Variants in PRKG1 observed in about 807,000 individuals in gnomAD.
The protein encoded by PRKG1 is cGMP-dependent protein kinase 1.
Under a neutral mutation model 88.1 loss-of-function variants are expected in PRKG1, and 35 were observed. The ratio of observed to expected loss-of-function variants is 0.40; its 90% CI spans 0.30 to 0.53. The LOEUF is 0.53. Among genes scored for constraint, PRKG1 ranks in the 20% least tolerant of loss-of-function variants. The pLI, the probability that PRKG1 is intolerant of heterozygous loss-of-function variation, is 0.59. For missense variants in PRKG1, 540 were observed against 839.8 expected (o/e 0.64, Z 4.41); for synonymous variants, 303 against 292.5 (o/e 1.04, Z -0.37).
At chr10:52,150,499 G>A (rs1012004386) in intron 8 of PRKG1, among the ~76,000 whole-genome samples, 1 of 151,944 alleles carries the variant, frequency 6.6e-6, no homozygotes, top group Non-Finnish European at 1.5e-5. Flanking sequence ...GTATTTTCAT[G>A]TTTTATTTGA....
At chr10:51,182,228 G>A (rs1382895114) in intron 2 of PRKG1, among the ~76,000 whole-genome samples, 1 of 152,102 alleles carries the variant, frequency 6.6e-6, no homozygotes, top group African/African-American at 2.4e-5. Flanking sequence ...GAAGACTTTG[G>A]GATGAAGAAT....
At chr10:52,124,390 G>T (rs545783514) in intron 7 of PRKG1, among the ~76,000 whole-genome samples, 14 of 152,262 alleles carry the variant, frequency 9.2e-5, no homozygotes, top group Non-Finnish European at 1.6e-4. Context: ...AGTAGTATTT[G>T]TGTATCTAAA....
intron 9 of PRKG1, among the ~76,000 whole-genome samples, chr10:52,213,061 T>C (rs1840021999): frequency 6.6e-6 from 1 of 152,196 alleles, no homozygotes; most frequent in Admixed American, 6.5e-5. Context: ...TTAAAGCAAA[T>C]AAACTTTCAA....
intron 5 of PRKG1, among the ~76,000 whole-genome samples, chr10:51,927,198 G>A (rs1842597110): frequency 6.6e-6 from 1 of 152,178 alleles, no homozygotes; most frequent in Non-Finnish European, 1.5e-5. Context: ...CCTGGTGGGA[G>A]ATAATTGAAT....
chr10:51,083,631 C>T (rs1844171581), intron 1 of PRKG1, among the ~76,000 whole-genome samples: 1 of 151,972 alleles, frequency 6.6e-6, no homozygotes, highest in African/African-American at 2.4e-5. Context: ...ATCAACCTTT[C>T]AGCCCCCTTT....
intron 7 of PRKG1, among the ~76,000 whole-genome samples, chr10:52,130,333 T>C (rs891104011): frequency 3.3e-5 from 5 of 152,220 alleles, no homozygotes; most frequent in Admixed American, 2.6e-4. Context: ...AAAATACCAA[T>C]GCATCTTCTT....
At chr10:52,192,366 C>T (rs1022138812) in intron 9 of PRKG1, among the ~76,000 whole-genome samples, 4 of 152,008 alleles carry the variant, frequency 2.6e-5, no homozygotes. Flanking sequence ...CTGCTATTGG[C>T]TTTCTTTGTT....
chr10:51,422,588 A>G (rs1247209593), intron 2 of PRKG1, among the ~76,000 whole-genome samples: 6 of 152,204 alleles, frequency 3.9e-5, no homozygotes, highest in Admixed American at 3.9e-4. Context: ...CAGCAGCCCT[A>G]ACAGCACAAG....
At chr10:51,290,360 C>G (rs930800565) in intron 2 of PRKG1, among the ~76,000 whole-genome samples, 1 of 152,106 alleles carries the variant, frequency 6.6e-6, no homozygotes, top group African/African-American at 2.4e-5. Flanking sequence ...CTCAGATAAC[C>G]AAGGACATGG....
intron 3 of PRKG1, among the ~76,000 whole-genome samples, chr10:51,510,762 G>A (rs1399043601): frequency 1.4e-5 from 1 of 71,922 alleles, no homozygotes; most frequent in Admixed American, 1.5e-4. Context: ...TTTTTTTTTT[G>A]AGACAGAGTC....
intron 1 of PRKG1, among the ~76,000 whole-genome samples, chr10:51,143,397 G>T (rs1245255899): frequency 2.6e-5 from 4 of 152,014 alleles, no homozygotes; most frequent in Non-Finnish European, 4.4e-5. Flanking sequence ...GGACACTTAG[G>T]TTGATTCCAT....
At chr10:52,086,741 G>A (rs1225482284) in intron 7 of PRKG1, among the ~76,000 whole-genome samples, 1 of 152,014 alleles carries the variant, frequency 6.6e-6, no homozygotes, top group African/African-American at 2.4e-5. Flanking sequence ...CTATATGTGG[G>A]CATTTGAACA....
chr10:51,650,105 C>A (rs967503226), intron 3 of PRKG1, among the ~76,000 whole-genome samples: 4 of 152,206 alleles, frequency 2.6e-5, no homozygotes, highest in African/African-American at 7.2e-5. Context: ...AATAGACCAA[C>A]AACTCCTAGA....
chr10:51,271,101 C>G (rs1476380743), intron 2 of PRKG1, among the ~76,000 whole-genome samples: 1 of 152,138 alleles, frequency 6.6e-6, no homozygotes, highest in Non-Finnish European at 1.5e-5. Flanking sequence ...AGCTGAGGAC[C>G]TACATCTCCT....
chr10:51,753,703 C>T (rs1211875059), intron 3 of PRKG1, among the ~76,000 whole-genome samples: 1 of 152,112 alleles, frequency 6.6e-6, no homozygotes, highest in East Asian at 1.9e-4. Flanking sequence ...ATTCCAACTG[C>T]ACATAGTCAA....
chr10:51,359,459 CGT>C (rs145482737), intron 2 of PRKG1, among the ~76,000 whole-genome samples: 16 of 130,712 alleles, frequency 1.2e-4, no homozygotes, highest in Admixed American at 4.6e-4. Flanking sequence ...TGTGTGTGTG[CGT>C]GTGTGTGTGT....
intron 8 of PRKG1, among the ~76,000 whole-genome samples, chr10:52,137,145 C>T (rs138011099): frequency 3.0e-4 from 45 of 152,148 alleles, no homozygotes; most frequent in African/African-American, 9.6e-4. Flanking sequence ...AATTTACAAG[C>T]GAGGTACCAT....
intron 3 of PRKG1, among the ~76,000 whole-genome samples, chr10:51,534,934 T>A (rs111654072): frequency 2.8e-4 from 43 of 152,216 alleles, no homozygotes; most frequent in African/African-American, 1.0e-3. Context: ...TCTCTGTAAA[T>A]CAATATCATG....
At chr10:52,002,399 A>G (rs1227321533) in intron 5 of PRKG1, among the ~76,000 whole-genome samples, 1 of 152,000 alleles carries the variant, frequency 6.6e-6, no homozygotes, top group Non-Finnish European at 1.5e-5. Flanking sequence ...TCTTCTTACT[A>G]TTTTGTGATG....
Sources: allele counts gnomAD v4.1 joint callset (sites outside exome capture counted in the v4.1 genomes callset), GRCh38; gene constraint gnomAD v4.1.1; transcripts MANE v1.5; gene names NCBI Gene and HGNC (gene_info 2026-07-23, HGNC 2026-07-21).